FER1L5: variants seen among roughly 807,000 people sequenced by gnomAD.
The protein encoded by FER1L5 is fer-1 like family member 5.
FER1L5 carries 187 observed loss-of-function variants against 279.9 expected under a neutral mutation model. The ratio of observed to expected loss-of-function variants is 0.67; its 90% CI spans 0.59 to 0.75. FER1L5 has a LOEUF of 0.75. Among genes scored for constraint, FER1L5 ranks in the 30% least tolerant of loss-of-function variants. The pLI is 0.00. For missense variants in FER1L5, 2,091 were observed against 2,594.4 expected (o/e 0.81, Z 4.21); for synonymous variants, 921 against 989.7 (o/e 0.93, Z 1.30).
rs953278542 is a variant in FER1L5 at position 96,690,480 on chromosome 2, C to T, written c.2641-7C>T. 1.9e-6 allele frequency: 3 copies of T among 1,551,248 alleles called. No individual in the cohort carries two copies. In the Admixed American group the frequency reaches 5.9e-5, roughly 30 times the overall value. On this transcript the variant is annotated splice_polypyrimidine_tract_variant and splice_region_variant and intron_variant, in intron 26 of 52. Transcript: ENST00000624922. ...GCCCCTCGCTCGCCCTCTCTGTCCA[C>T]CTGCAGAATGGACAGCCCATGGAGG...
chr2:96,650,441 C>T (rs1188018135), intron 6 of FER1L5, among the ~76,000 whole-genome samples, 152 bp downstream of exon 6: 1 of 152,214 alleles, frequency 6.6e-6, no homozygotes, highest in Non-Finnish European at 1.5e-5. Context: ...ACATGCCCTG[C>T]TCCTCCCATG....
rs2077459717 is a variant in FER1L5 at position 96,698,334 on chromosome 2, C to T, written c.4356+178C>T. ...CAGGAACTCGGGGAGCGCTCCCCTTCCCCTCCCCACCCTGGCCTATGCTGG... is the reference window on the plus strand; with the variant it reads ...CAGGAACTCGGGGAGCGCTCCCCTTTCCCTCCCCACCCTGGCCTATGCTGG... On this transcript the variant is annotated intron_variant, in intron 40 of 52. Transcript: ENST00000624922. This position sits in a 1 kb window ranked among gnomAD's most constrained non-coding sequence, Gnocchi z 5.5. 6.6e-6 allele frequency among the ~76,000 whole-genome samples: 1 copy of T among 152,146 alleles called. No homozygotes were observed. Among genetic ancestry groups the T allele is most frequent in the African/African-American group, 2.4e-5 (1 of 41,440 alleles).
Position 96,686,055 on chromosome 2 carries a change from C to A in FER1L5, c.2011C>A (p.Pro671Thr), listed in dbSNP as rs985256402. ...ELAQKAKQAK[P>T]KDMVATAEDW... ...GGCCCAAAAGGCCAAGCAAGCCAAG[C>A]CCAAGGACATGGTGGCCACAGCGGA... The change falls in exon 22 of 53, where the codon CCC (proline) becomes ACC (threonine). Residue 671 changes from proline to threonine, a missense_variant. Coordinates refer to ENST00000624922, the MANE Select transcript of FER1L5 (RefSeq NM_001293083.2). 5 of 1,551,542 alleles carry A rather than the reference C, an allele frequency of 3.2e-6. No homozygotes were observed. The African/African-American group carries it at 4.1e-5, about 13-fold the overall frequency.
intron 4 of FER1L5, 34 bp downstream of exon 4, chr2:96,647,920 G>A: frequency 6.6e-7 from 1 of 1,508,214 alleles, no homozygotes; most frequent in Non-Finnish European, 9.0e-7. Flanking sequence ...AGGCAGGGTG[G>A]CTGGAGGAAT....
Position 96,704,366 on chromosome 2 carries a change from A to C in FER1L5, c.5949+4A>C, listed in dbSNP as rs1203622685. 1.9e-6 allele frequency: 3 copies of C among 1,613,670 alleles called. No homozygotes were observed. In the African/African-American group the frequency reaches 4.0e-5, roughly 22 times the overall value. ...TAACTTCATCTATTCAGCTCCGGTG[A>C]GTGGCAGCCATGGGGGCAAGGACAA... On this transcript the variant is annotated splice_donor_region_variant and intron_variant, in intron 52 of 52. Coordinates refer to ENST00000624922, the MANE Select transcript of FER1L5 (RefSeq NM_001293083.2).
intron 9 of FER1L5, among the ~76,000 whole-genome samples, chr2:96,659,454 T>TTTCTTTCTTTCTTTCTTTCTTTCTTTC (rs2075835679): frequency 1.0e-4 from 3 of 28,794 alleles, no homozygotes; most frequent in Non-Finnish European, 1.7e-4. Context: ...TCTTTCTTTC[T>TTTCTTTCTTTCTTTCTTTCTTTCTTTC]TTCTTTCTTT....
intron 44 of FER1L5, 52 bp downstream of exon 44, chr2:96,700,132 T>C: frequency 1.2e-6 from 2 of 1,604,858 alleles, no homozygotes; most frequent in Non-Finnish European, 1.7e-6. Context: ...CTCTGGAAGC[T>C]GTGAGGCTCC....
rs1363193579 is a variant in FER1L5 at position 96,687,815 on chromosome 2, G to A, written c.2230-1G>A. ...GTGGGACCGATCGGCCTCTGGCTCA[G>A]TACCCAGAGGGTGAAGGACAGAAGG... On this transcript the variant is annotated splice_acceptor_variant, in intron 23 of 52. Transcript: ENST00000624922. LOFTEE classifies it high-confidence loss of function. 1.3e-6 allele frequency: 2 copies of A among 1,551,136 alleles called. No individual in the cohort carries two copies. Among genetic ancestry groups the A allele is most frequent in the South Asian group, 2.4e-5 (2 of 84,066 alleles).
At position 96,690,466 on chromosome 2, in the gene FER1L5, G is replaced by A. The variant is rs146492422; in HGVS notation, c.2641-21G>A. On this transcript the variant is annotated intron_variant, in intron 26 of 52. Transcript: ENST00000624922. ...CTCCCAGCTCATGTGCCCCTCGCTCGCCCTCTCTGTCCACCTGCAGAATGG... is the reference window on the plus strand; with the variant it reads ...CTCCCAGCTCATGTGCCCCTCGCTCACCCTCTCTGTCCACCTGCAGAATGG... The A allele has an allele frequency of 1.7e-3, 2,705 of 1,549,494 alleles. 37 individuals are homozygous for A. In the African/African-American group the frequency reaches 0.032, roughly 18 times the overall value.
chr2:96,648,531 T>G (rs2075231860), intron 4 of FER1L5, among the ~76,000 whole-genome samples: 1 of 152,206 alleles, frequency 6.6e-6, no homozygotes. Context: ...TGTTTGGCTC[T>G]CTCTGGTTGG....
At chr2:96,668,851 C>T (rs753463416) in intron 15 of FER1L5, 35 bp from the exon 16 acceptor site, 37 of 1,551,544 alleles carry the variant, frequency 2.4e-5, no homozygotes, top group South Asian at 4.8e-5. Flanking sequence ...AGAGCTGGGC[C>T]GGGGGCTCAG....
intron 24 of FER1L5, among the ~76,000 whole-genome samples, chr2:96,688,783 T>C (rs974913136): frequency 6.6e-6 from 1 of 152,048 alleles, no homozygotes; most frequent in African/African-American, 2.4e-5. Flanking sequence ...GTGCCTTTGA[T>C]GCCAGCTCCC....
chr2:96,675,426 T>C (rs1228772086), intron 19 of FER1L5, among the ~76,000 whole-genome samples: 2 of 152,110 alleles, frequency 1.3e-5, no homozygotes, highest in African/African-American at 4.8e-5. Context: ...AAAAAAATAA[T>C]TAATTAATTA....
Position 96,685,517 on chromosome 2 carries a change from C to G in FER1L5, c.1895+88C>G, listed in dbSNP as rs2076887408. 7 of 1,102,676 alleles carry G rather than the reference C, an allele frequency of 6.3e-6. No homozygotes were observed. In the South Asian group the frequency reaches 1.1e-4, roughly 17 times the overall value. The allele number at this position is 1,102,676 out of a possible 1,614,324, so 68.3% of individuals were successfully genotyped here. A position where few individuals can be genotyped will look rare whatever the true frequency, so the allele number is the denominator to read the frequency against. On this transcript the variant is annotated intron_variant, in intron 21 of 52. Coordinates refer to ENST00000624922, the MANE Select transcript of FER1L5 (RefSeq NM_001293083.2). ...ACTCAGCGCAGTGCCCTGAACACCT[C>G]CCCCCGCCCTCCTCGGGGAGGAGCA...
In FER1L5 at chr2:96,642,766, T is replaced by C; in HGVS notation, c.-71T>C. ...ACCCCAGGATCGCTGGGAAAAGTCT[T>C]GGACTGAGGAGCTCCAAAAAGGAAG... On this transcript the variant is annotated 5_prime_UTR_variant, in exon 1 of 53. Transcript: ENST00000624922. The C allele has an allele frequency of 6.8e-7, 1 of 1,473,950 alleles. No individual in the cohort carries two copies. The highest frequency in any genetic ancestry group is 1.3e-5 in the South Asian group (1 of 77,890). 91.3% of individuals were successfully genotyped at this position (1,473,950 alleles called of 1,614,324 possible). A position where few individuals can be genotyped will look rare whatever the true frequency, so the allele number is the denominator to read the frequency against.
chr2:96,653,702 G>T lies in FER1L5; in HGVS notation c.696G>T (p.Gln232His). 1 of 1,550,562 alleles carries T rather than the reference G, an allele frequency of 6.4e-7. No individual in the cohort carries two copies. The highest frequency in any genetic ancestry group is 8.7e-7 in the Non-Finnish European group (1 of 1,146,574). Residue 232 changes from glutamine (Q) to histidine (H), a missense_variant and splice_region_variant, in exon 8 of 53, where the codon CAG becomes CAT. Coordinates refer to ENST00000624922, the MANE Select transcript of FER1L5 (RefSeq NM_001293083.2). ...TCTTTGATGAGACCATCTTAATCCA[G>T]GTGAGGAGCCAAACTGGTCCCCAGC... is the stretch of plus-strand genomic sequence containing the variant. ...AKFFDETILI[Q>H]VVNSSAMRYK...
intron 9 of FER1L5, among the ~76,000 whole-genome samples, chr2:96,658,019 T>C (rs560940477): frequency 2.0e-5 from 3 of 151,950 alleles, no homozygotes; most frequent in Middle Eastern, 3.4e-3. Flanking sequence ...TGTTTAACTT[T>C]CTTTTTTTTT....
At position 96,670,543 on chromosome 2, in the gene FER1L5, C is replaced by T. The variant is rs138932081; in HGVS notation, c.1491+296C>T. Reference sequence around the variant, plus strand: ...CTGTAATCCCAGCACTTTGGGAGACCGAGGAGGGAGGATCACTTGAGTCCA... The same window carrying T: ...CTGTAATCCCAGCACTTTGGGAGACTGAGGAGGGAGGATCACTTGAGTCCA... On this transcript the variant is annotated intron_variant, in intron 18 of 52. Transcript: ENST00000624922. Among the ~76,000 whole-genome samples the T allele has an allele frequency of 4.9e-3, 737 of 150,240 alleles. 47 individuals carry two copies. The East Asian group carries it at 0.13, about 27-fold the overall frequency.
chr2:96,663,487 A>T lies in FER1L5; in HGVS notation c.1120A>T (p.Ile374Phe). Residue 374 changes from isoleucine (I) to phenylalanine (F), a missense_variant, in exon 14 of 53, where the codon ATC (isoleucine) becomes TTC (phenylalanine). By Grantham distance (21) the Ile-to-Phe change is conservative (BLOSUM62 0). Transcript: ENST00000624922. ...AACCGACAACCCGATATGGAACCAG[A>T]TCCTGACCTTCCGGATTCAGGTATG... ...TQTDNPIWNQ[I>F]LTFRIQLPCL... 1 of 1,551,570 alleles carries T rather than the reference A, an allele frequency of 6.4e-7. No individual in the cohort carries two copies. Among genetic ancestry groups the T allele is most frequent in the Non-Finnish European group, 8.7e-7 (1 of 1,146,934 alleles).
Sources: allele counts gnomAD v4.1 joint callset (sites outside exome capture counted in the v4.1 genomes callset), GRCh38; gene constraint gnomAD v4.1.1; non-coding constraint Gnocchi (gnomAD v3.1); transcripts MANE v1.5; gene names NCBI Gene and HGNC (gene_info 2026-07-23, HGNC 2026-07-21).